Variants in SLC8A3 observed in about 807,000 individuals in gnomAD.
SLC8A3 encodes solute carrier family 8 member A3, also known as sodium/calcium exchanger 3.
Under a neutral mutation model 65.4 loss-of-function variants are expected in SLC8A3, and 37 were observed. That is an observed-to-expected ratio of 0.57 (90% CI 0.44 to 0.74). The LOEUF (loss-of-function observed/expected upper bound fraction) is 0.74, where lower values mean the gene tolerates loss of function less well. Ranked by LOEUF, SLC8A3 falls within the 30% of genes least tolerant of loss-of-function variation. SLC8A3 has a pLI of 0.00. For synonymous variants in SLC8A3, 461 were observed against 444.5 expected (o/e 1.04, Z -0.47); for missense variants, 1,112 against 1,172.1 (o/e 0.95, Z 0.75).
chr14:70,121,848 C>A (rs1247741648), intron 2 of SLC8A3, among the ~76,000 whole-genome samples: 2 of 151,496 alleles, frequency 1.3e-5, no homozygotes, highest in Non-Finnish European at 2.9e-5. Flanking sequence ...GTGAAAAAAA[C>A]AAACAAACAA....
rs973840563 is a variant in SLC8A3 at position 70,167,183 on chromosome 14, C to T, written c.1240G>A (p.Val414Ile). The T allele has an allele frequency of 1.9e-6, 3 of 1,614,140 alleles. No individual in the cohort carries two copies. The highest frequency in any genetic ancestry group is 8.5e-7 in the Non-Finnish European group (1 of 1,180,004). ...SYQCLENCGA[V>I]LLTVVRKGGD... The stretch of plus-strand genomic sequence containing the variant: ...CCTTTCCTCACCACTGTCAGGAGTA[C>T]AGCCCCACAGTTCTCCAGGCACTGG... Residue 414 changes from valine to isoleucine, a missense_variant, in exon 2 of 7, where the codon GTA becomes ATA. Val to Ile is a conservative substitution (Grantham distance 29, BLOSUM62 3). Transcript: ENST00000356921.
At chr14:70,178,341 C>T (rs1882416770) in intron 1 of SLC8A3, among the ~76,000 whole-genome samples, 1 of 152,184 alleles carries the variant, frequency 6.6e-6, no homozygotes, top group South Asian at 2.1e-4. Flanking sequence ...TGAAGATGCA[C>T]TGATGAAGCA....
At chr14:70,147,717 C>A (rs1310123824) in intron 2 of SLC8A3, among the ~76,000 whole-genome samples, 1 of 152,204 alleles carries the variant, frequency 6.6e-6, no homozygotes, top group African/African-American at 2.4e-5. Context: ...TTGCCAACAA[C>A]CACCTGACCT....
intron 2 of SLC8A3, among the ~76,000 whole-genome samples, chr14:70,130,248 C>T (rs543460099): frequency 9.3e-4 from 141 of 152,362 alleles, no homozygotes; most frequent in Admixed American, 1.4e-3. Context: ...GATTTAATAA[C>T]TTTCCTTAAG....
At chr14:70,105,318 G>C (rs1450148051) in intron 2 of SLC8A3, among the ~76,000 whole-genome samples, 1 of 152,096 alleles carries the variant, frequency 6.6e-6, no homozygotes, top group African/African-American at 2.4e-5. Context: ...GACAAAGCGA[G>C]ACTCTGTCTC....
At chr14:70,062,934 ATTGCCCTC>A (rs1888982384) in intron 2 of SLC8A3, among the ~76,000 whole-genome samples, 2 of 152,134 alleles carry the variant, frequency 1.3e-5, no homozygotes, top group African/African-American at 4.8e-5. Flanking sequence ...GGGAAGGAAC[ATTGCCCTC>A]AGTACTGGCA....
chr14:70,070,502 G>A (rs901170718), intron 2 of SLC8A3, among the ~76,000 whole-genome samples: 4 of 152,138 alleles, frequency 2.6e-5, no homozygotes, highest in African/African-American at 4.8e-5. Flanking sequence ...TAAAGATTTT[G>A]CATCTAACTA....
chr14:70,104,528 G>T (rs12436045), intron 2 of SLC8A3, among the ~76,000 whole-genome samples: 36,291 of 151,774 alleles, frequency 0.24, 4,713 homozygotes, highest in Admixed American at 0.29. Context: ...CCTACTTATC[G>T]CTGGTAATAT....
Position 70,046,459 on chromosome 14 carries a change from C to T in SLC8A3, c.2390-136G>A. 1.2e-6 allele frequency: 1 copy of T among 847,332 alleles called. No individual in the cohort carries two copies. The highest frequency in any genetic ancestry group is 1.8e-6 in the Non-Finnish European group (1 of 560,430). The allele number at this position is 847,332 out of a possible 1,614,324, so 52.5% of individuals were successfully genotyped here. A position where few individuals can be genotyped will look rare whatever the true frequency, so the allele number is the denominator to read the frequency against. On this transcript the variant is annotated intron_variant, in intron 6 of 6. Transcript: ENST00000356921. The surrounding 1 kb of genome is among the most constrained non-coding windows in gnomAD (Gnocchi z 4.2). The stretch of plus-strand genomic sequence containing the variant: ...AGAGACAAGGGCTAGGGGGCCACTC[C>T]TAACTCCTAGTTCTGCCGCAAGCAA...
At position 70,166,984 on chromosome 14, in the gene SLC8A3, A is replaced by G. The variant is rs759973958; in HGVS notation, c.1439T>C (p.Phe480Ser). The G allele has an allele frequency of 9.3e-6, 15 of 1,613,974 alleles. No individual in the cohort carries two copies. The highest frequency in any genetic ancestry group is 1.3e-5 in the Non-Finnish European group (15 of 1,180,010). ...GCGGACATTGCTCAACCTTACAAAG[A>G]AGTGTTCATCCTCCTCAAAAATGTC... ...DDDIFEEDEH[F>S]FVRLSNVRIE... The change falls in exon 2 of 7, where the codon TTC becomes TCC. Residue 480 changes from phenylalanine to serine, a missense_variant. Coordinates refer to ENST00000356921, the MANE Select transcript of SLC8A3 (RefSeq NM_182932.3).
intron 2 of SLC8A3, among the ~76,000 whole-genome samples, chr14:70,077,356 C>A (rs922242906): frequency 6.6e-6 from 1 of 152,182 alleles, no homozygotes; most frequent in Admixed American, 6.5e-5. Context: ...TGCACTGTAC[C>A]TGCTGCCCCA....
intron 1 of SLC8A3, among the ~76,000 whole-genome samples, chr14:70,180,779 C>T (rs1018543166): frequency 2.0e-5 from 3 of 152,194 alleles, no homozygotes; most frequent in African/African-American, 7.2e-5. Flanking sequence ...CACTACTAGT[C>T]ATTCTGCGAA....
intron 1 of SLC8A3, among the ~76,000 whole-genome samples, chr14:70,186,249 G>A (rs1232901477): frequency 1.3e-5 from 2 of 152,112 alleles, no homozygotes; most frequent in Non-Finnish European, 2.9e-5. Flanking sequence ...CACCATGATT[G>A]TAAACTTCCT....
chr14:70,096,827 T>G (rs937463981), intron 2 of SLC8A3, among the ~76,000 whole-genome samples: 1 of 152,170 alleles, frequency 6.6e-6, no homozygotes, highest in Non-Finnish European at 1.5e-5. Context: ...TTTGGTCTTT[T>G]GCGGGATGAG....
At chr14:70,051,470 G>A (rs1887498434) in intron 4 of SLC8A3, among the ~76,000 whole-genome samples, 1 of 151,846 alleles carries the variant, frequency 6.6e-6, no homozygotes, top group African/African-American at 2.4e-5. Context: ...TTTTTATTTT[G>A]TTTTATTTTT....
At chr14:70,160,130 A>T (rs558488651) in intron 2 of SLC8A3, among the ~76,000 whole-genome samples, 15 of 152,370 alleles carry the variant, frequency 9.8e-5, no homozygotes, top group African/African-American at 3.4e-4. Context: ...TAGGTATTAT[A>T]AGTAATCTAG....
chr14:70,155,335 C>G (rs903670130), intron 2 of SLC8A3, among the ~76,000 whole-genome samples: 1 of 152,102 alleles, frequency 6.6e-6, no homozygotes, highest in African/African-American at 2.4e-5. Flanking sequence ...CTAGAACTTA[C>G]TCCTCTTACA....
In SLC8A3 at chr14:70,046,204, C is replaced by A; in HGVS notation, c.2509G>T (p.Ala837Ser). The change falls in exon 7 of 7, where the codon GCC (alanine) becomes TCC (serine). Residue 837 changes from alanine to serine, a missense_variant. Ala to Ser is a moderately conservative substitution (Grantham distance 99, BLOSUM62 1). Coordinates refer to ENST00000356921, the MANE Select transcript of SLC8A3 (RefSeq NM_182932.3). This position sits in a 1 kb window ranked among gnomAD's most constrained non-coding sequence, Gnocchi z 4.2. ...FLGIGLAWSVAAIYWALQGQE... is the reference protein window; with the variant it reads ...FLGIGLAWSVSAIYWALQGQE... ...CCCTGCAGAGCCCAGTAGATGGCGG[C>A]CACGGACCAGGCCAGGCCGATGCCC... The A allele has an allele frequency of 1.2e-6, 2 of 1,614,208 alleles. No homozygotes were observed. The highest frequency in any genetic ancestry group is 1.7e-6 in the Non-Finnish European group (2 of 1,180,036).
At position 70,178,032 on chromosome 14, in the gene SLC8A3, C is replaced by T. The variant is rs116512277; in HGVS notation, c.-62-9548G>A. On this transcript the variant is annotated intron_variant, in intron 1 of 6. Coordinates refer to ENST00000356921, the MANE Select transcript of SLC8A3 (RefSeq NM_182932.3). Reference sequence around the variant, plus strand: ...AAGGAGAATCCATGTAAGTTGGAGACCAATAGAAACAGAAGATGATGGTGA... The same window carrying T: ...AAGGAGAATCCATGTAAGTTGGAGATCAATAGAAACAGAAGATGATGGTGA... Among the ~76,000 whole-genome samples, 385 of 152,202 alleles carry T rather than the reference C, an allele frequency of 2.5e-3. 2 individuals are homozygous for T. Among genetic ancestry groups the T allele is most frequent in the African/African-American group, 9.0e-3 (373 of 41,530 alleles).
Sources: allele counts gnomAD v4.1 joint callset (sites outside exome capture counted in the v4.1 genomes callset), GRCh38; gene constraint gnomAD v4.1.1; non-coding constraint Gnocchi (gnomAD v3.1); transcripts MANE v1.5; gene names NCBI Gene and HGNC (gene_info 2026-07-23, HGNC 2026-07-21).